Variants in TTC7B observed in about 807,000 individuals in gnomAD.
TTC7B encodes tetratricopeptide repeat protein 7B.
Under a neutral mutation model 106.8 loss-of-function variants are expected in TTC7B, and 28 were observed. That is an observed-to-expected ratio of 0.26 (90% CI 0.19 to 0.36). TTC7B has a LOEUF of 0.36. Ranked by LOEUF, TTC7B falls within the 10% of genes least tolerant of loss-of-function variation. TTC7B has a pLI of 1.00. For missense variants in TTC7B, 862 were observed against 1,076.4 expected (o/e 0.80, Z 2.79); for synonymous variants, 405 against 430.6 (o/e 0.94, Z 0.74).
At chr14:90,541,624 C>T in intron 19 of TTC7B, 35 bp from the exon 20 acceptor site, 1 of 1,498,824 alleles carries the variant, frequency 6.7e-7, no homozygotes, top group Non-Finnish European at 9.0e-7. Flanking sequence ...GACAGTCAGC[C>T]ATGGAGGCTT....
rs748902022 is a variant in TTC7B at position 90,610,786 on chromosome 14, T to C, written c.1922A>G (p.Gln641Arg). 1.2e-6 allele frequency: 2 copies of C among 1,614,130 alleles called. No homozygotes were observed. The highest frequency in any genetic ancestry group is 1.7e-6 in the Non-Finnish European group (2 of 1,179,980). Residue 641 changes from glutamine (Q) to arginine (R), a missense_variant, in exon 17 of 20, where the codon CAG becomes CGG. Transcript: ENST00000328459. ...GTCTGGCAAAGTAATTGTATTAAGCTGTCGTCTGTCAGCAATGGTTCTATC... is the reference window on the plus strand; with the variant it reads ...GTCTGGCAAAGTAATTGTATTAAGCCGTCGTCTGTCAGCAATGGTTCTATC... ...LLDRTIADRR[Q>R]LNTITLPDFS...
intron 19 of TTC7B, among the ~76,000 whole-genome samples, chr14:90,573,493 C>T (rs912228836): frequency 1.7e-4 from 23 of 133,118 alleles, no homozygotes; most frequent in African/African-American, 6.1e-4. Flanking sequence ...CCTCACGGTC[C>T]CTCTCAGCTC....
chr14:90,743,556 C>G (rs1889848700), intron 4 of TTC7B, among the ~76,000 whole-genome samples: 2 of 152,194 alleles, frequency 1.3e-5, no homozygotes, highest in African/African-American at 2.4e-5. Flanking sequence ...GGGTACATCT[C>G]TGGGTCTGAA....
chr14:90,642,116 T>C (rs532609662), intron 15 of TTC7B, among the ~76,000 whole-genome samples: 1 of 152,278 alleles, frequency 6.6e-6, no homozygotes, highest in Admixed American at 6.5e-5. Flanking sequence ...CAGCTTGGGG[T>C]AAAATCCAGA....
chr14:90,542,761 C>T (rs1372131139), intron 19 of TTC7B, among the ~76,000 whole-genome samples: 2 of 152,070 alleles, frequency 1.3e-5, no homozygotes, highest in Admixed American at 6.5e-5. Flanking sequence ...GAGGGGAGTC[C>T]AGTGTCCCCC....
chr14:90,758,042 C>T (rs544588733), intron 3 of TTC7B, among the ~76,000 whole-genome samples: 1 of 152,028 alleles, frequency 6.6e-6, no homozygotes, highest in Admixed American at 6.5e-5. Context: ...TCAGCTGCTG[C>T]CTGCGAACAG....
chr14:90,750,291 G>T (rs1475127898), intron 3 of TTC7B, among the ~76,000 whole-genome samples: 1 of 152,132 alleles, frequency 6.6e-6, no homozygotes, highest in Non-Finnish European at 1.5e-5. Flanking sequence ...TGATATCAGG[G>T]ATTTAATATT....
At chr14:90,693,830 T>C (rs1181877277) in intron 6 of TTC7B, among the ~76,000 whole-genome samples, 1 of 152,206 alleles carries the variant, frequency 6.6e-6, no homozygotes, top group Non-Finnish European at 1.5e-5. Flanking sequence ...ACAGTTACCA[T>C]ATGACCCAGC....
intron 2 of TTC7B, among the ~76,000 whole-genome samples, chr14:90,781,982 C>T (rs1424749208): frequency 2.0e-5 from 3 of 152,202 alleles, no homozygotes; most frequent in Non-Finnish European, 2.9e-5. Flanking sequence ...AGAGCCCAAG[C>T]GGTTCAAAGC....
At chr14:90,658,520 A>G in intron 9 of TTC7B, 133 bp from the exon 10 acceptor site, 1 of 834,120 alleles carries the variant, frequency 1.2e-6, no homozygotes, top group South Asian at 1.6e-5. Context: ...TTAAAACATA[A>G]TCCACCACCA....
At position 90,776,141 on chromosome 14, in the gene TTC7B, ACAC is replaced by A. The variant is rs1891021650; in HGVS notation, c.445+4594_445+4596del. On this transcript the variant is annotated intron_variant, in intron 3 of 19. Coordinates refer to ENST00000328459, the MANE Select transcript of TTC7B (RefSeq NM_001010854.2). ...GCAGGGCAGGAGAGGGCCCCCCGTGACACACACACACACACACACACACACACA... is the reference window on the plus strand; with the variant it reads ...GCAGGGCAGGAGAGGGCCCCCCGTGAACACACACACACACACACACACACA... Among the ~76,000 whole-genome samples the A allele has an allele frequency of 1.1e-4, 3 of 27,558 alleles. No homozygotes were observed. The South Asian group carries it at 3.7e-3, about 34-fold the overall frequency. 18.1% of individuals were successfully genotyped at this position (27,558 alleles called of 152,430 possible).
Position 90,695,532 on chromosome 14 carries a change from C to G in TTC7B, c.745G>C (p.Val249Leu). 1 of 1,596,072 alleles carries G rather than the reference C, an allele frequency of 6.3e-7. No individual in the cohort carries two copies. The highest frequency in any genetic ancestry group is 2.3e-5 in the East Asian group (1 of 43,744). ...AGGTTTTGAGTCGTTCTTGTTTCAA[C>G]TGCTCTGAGAAGCTCTCTAAATCTT... is the stretch of plus-strand genomic sequence containing the variant. The part of the protein sequence containing the change: ...VGRFRELLRA[V>L]ETRTTQNLRM... Residue 249 changes from valine (V) to leucine (L), a missense_variant, in exon 6 of 20, where the codon GTT (valine) becomes CTT (leucine). Physicochemically the swap from Val to Leu is conservative, Grantham distance 32 (BLOSUM62 1). Coordinates refer to ENST00000328459, the MANE Select transcript of TTC7B (RefSeq NM_001010854.2).
At chr14:90,804,678 T>TAA (rs2030497942) in intron 1 of TTC7B, among the ~76,000 whole-genome samples, 1 of 152,278 alleles carries the variant, frequency 6.6e-6, no homozygotes, top group Non-Finnish European at 1.5e-5. Context: ...GCGAGTCACC[T>TAA]CCCTTGGCCT....
chr14:90,786,883 C>T lies in TTC7B; in HGVS notation c.122-555G>A, dbSNP rs565673351. Among the ~76,000 whole-genome samples the T allele has an allele frequency of 2.6e-5, 4 of 151,966 alleles. No homozygotes were observed. The East Asian group carries it at 7.7e-4, about 29-fold the overall frequency. On this transcript the variant is annotated intron_variant, in intron 1 of 19. Coordinates refer to ENST00000328459, the MANE Select transcript of TTC7B (RefSeq NM_001010854.2). ...GGCATGAGCCACTGCGCCTGGCTGC[C>T]GGTAGATACACATTAACGTGGAGAG... is the stretch of plus-strand genomic sequence containing the variant.
At chr14:90,768,265 T>C (rs1890751337) in intron 3 of TTC7B, among the ~76,000 whole-genome samples, 2 of 152,186 alleles carry the variant, frequency 1.3e-5, no homozygotes, top group South Asian at 2.1e-4. Flanking sequence ...AGAGGATTAA[T>C]TGACTCACAG....
At chr14:90,799,700 C>T (rs1419474685) in intron 1 of TTC7B, among the ~76,000 whole-genome samples, 3 of 152,024 alleles carry the variant, frequency 2.0e-5, no homozygotes, top group Non-Finnish European at 4.4e-5. Flanking sequence ...GAGGGAAGGG[C>T]GTTGGGGTGG....
intron 15 of TTC7B, among the ~76,000 whole-genome samples, chr14:90,629,872 A>G (rs1027158522): frequency 6.6e-6 from 1 of 152,194 alleles, no homozygotes; most frequent in African/African-American, 2.4e-5. Context: ...GGAGGCTGGG[A>G]TGCCCTGAAG....
At chr14:90,746,135 G>A (rs1360469871) in intron 3 of TTC7B, among the ~76,000 whole-genome samples, 1 of 152,060 alleles carries the variant, frequency 6.6e-6, no homozygotes, top group Non-Finnish European at 1.5e-5. Flanking sequence ...TCGATTTTCT[G>A]AGAGTGTTTG....
rs547482677 is a variant in TTC7B at position 90,657,824 on chromosome 14, G to A, written c.1236+480C>T. ...GCTGTTCTTACTCCATTTTACCGAG[G>A]AAACTGAGCTGCTCAGTAACTTGCC... is the stretch of plus-strand genomic sequence containing the variant. On this transcript the variant is annotated intron_variant, in intron 10 of 19. Coordinates refer to ENST00000328459, the MANE Select transcript of TTC7B (RefSeq NM_001010854.2). This position sits in a 1 kb window ranked among gnomAD's most constrained non-coding sequence, Gnocchi z 4.2. 1.9e-3 allele frequency: 353 copies of A among 185,216 alleles called. 1 individual carries two copies. The highest frequency in any genetic ancestry group is 5.3e-3 in the Middle Eastern group (2 of 376). The allele number at this position is 185,216 out of a possible 1,614,324, so 11.5% of individuals were successfully genotyped here.
Sources: allele counts gnomAD v4.1 joint callset (sites outside exome capture counted in the v4.1 genomes callset), GRCh38; gene constraint gnomAD v4.1.1; non-coding constraint Gnocchi (gnomAD v3.1); transcripts MANE v1.5; gene names NCBI Gene and HGNC (gene_info 2026-07-23, HGNC 2026-07-21).